Variants in COX10 observed in about 807,000 individuals in gnomAD.
COX10 encodes cytochrome c oxidase assembly factor heme A:farnesyltransferase COX10, also known as protoheme IX farnesyltransferase, mitochondrial.
A neutral mutation model predicts 37.3 loss-of-function variants in COX10; 27 were observed. That is an observed-to-expected ratio of 0.72 (90% CI 0.53 to 1.00). COX10 has a LOEUF of 1.00. Ranked by LOEUF, COX10 falls within the 50% of genes least tolerant of loss-of-function variation. COX10 has a pLI of 0.00. For synonymous variants in COX10, 222 were observed against 229.1 expected (o/e 0.97, Z 0.28); for missense variants, 475 against 563.2 (o/e 0.84, Z 1.59).
intron 5 of COX10, among the ~76,000 whole-genome samples, chr17:14,179,785 T>G (rs1905800422): frequency 6.6e-6 from 1 of 151,430 alleles, no homozygotes; most frequent in Admixed American, 6.6e-5. Context: ...TTTTCCAACT[T>G]AATGGATCAG....
intron 6 of COX10, among the ~76,000 whole-genome samples, chr17:14,198,691 A>C (rs1906440558): frequency 6.6e-6 from 1 of 152,204 alleles, no homozygotes; most frequent in Non-Finnish European, 1.5e-5. Context: ...CAAAATGTTC[A>C]GTTCTGTTTC....
chr17:14,162,577 A>G (rs1597529413), intron 5 of COX10, among the ~76,000 whole-genome samples: 1 of 151,322 alleles, frequency 6.6e-6, no homozygotes, highest in African/African-American at 2.4e-5. Flanking sequence ...AAATCAGCAC[A>G]TGTTTTACGT....
At chr17:14,093,158 C>T (rs111294697) in intron 3 of COX10, among the ~76,000 whole-genome samples, 167 of 152,236 alleles carry the variant, frequency 1.1e-3, no homozygotes, top group Middle Eastern at 6.8e-3. Flanking sequence ...CTTAGAGTTT[C>T]ATTTAGCCAG....
At chr17:14,155,443 C>T (rs952856504) in intron 4 of COX10, among the ~76,000 whole-genome samples, 12 of 151,724 alleles carry the variant, frequency 7.9e-5, no homozygotes, top group Non-Finnish European at 1.6e-4. Flanking sequence ...AGGCCGGGCA[C>T]GGTGGCTCAC....
chr17:14,148,119 C>A lies in COX10; in HGVS notation c.625-11758C>A, dbSNP rs73979169. 6.0e-3 allele frequency among the ~76,000 whole-genome samples: 898 copies of A among 148,814 alleles called. 51 individuals carry two copies. The highest frequency in any genetic ancestry group is 0.022 in the African/African-American group (842 of 38,266). ...TTTATTTTCTCCTTTAAGGATGAAG[C>A]CTTAAAATCCAGCCTAGTGAGAGAG... On this transcript the variant is annotated intron_variant, in intron 4 of 6. Coordinates refer to ENST00000261643, the MANE Select transcript of COX10 (RefSeq NM_001303.4).
intron 4 of COX10, among the ~76,000 whole-genome samples, chr17:14,116,906 C>A (rs1279564251): frequency 6.6e-6 from 1 of 152,206 alleles, no homozygotes; most frequent in East Asian, 1.9e-4. Context: ...CAAAACCTTG[C>A]AGGGACTTCC....
At chr17:14,187,075 G>A (rs975269199) in intron 5 of COX10, among the ~76,000 whole-genome samples, 1 of 151,686 alleles carries the variant, frequency 6.6e-6, no homozygotes, top group Non-Finnish European at 1.5e-5. Flanking sequence ...TAATGTCACA[G>A]CCAGTGTTGA....
chr17:14,169,756 A>T (rs1418210432), intron 5 of COX10, among the ~76,000 whole-genome samples: 1 of 152,200 alleles, frequency 6.6e-6, no homozygotes, highest in Non-Finnish European at 1.5e-5. Context: ...AGGGACTTAC[A>T]TTGAAGGGTG....
At chr17:14,191,934 G>A (rs1450969095) in intron 5 of COX10, 55 bp from the exon 6 acceptor site, 14 of 1,584,694 alleles carry the variant, frequency 8.8e-6, no homozygotes, top group Non-Finnish European at 1.0e-5. Flanking sequence ...ATTTTAGGTA[G>A]TGTGATTGAG....
chr17:14,091,588 A>G (rs1197864763), intron 3 of COX10, among the ~76,000 whole-genome samples: 1 of 152,208 alleles, frequency 6.6e-6, no homozygotes, highest in Non-Finnish European at 1.5e-5. Context: ...CCAGATGTAA[A>G]TCATGAGTGA....
At chr17:14,176,069 C>T (rs1485527672) in intron 5 of COX10, among the ~76,000 whole-genome samples, 1 of 152,078 alleles carries the variant, frequency 6.6e-6, no homozygotes, top group East Asian at 1.9e-4. Flanking sequence ...ACCGTAGAAT[C>T]CCAGGAGAGA....
intron 4 of COX10, among the ~76,000 whole-genome samples, chr17:14,123,875 G>A (rs956977291): frequency 5.9e-5 from 9 of 152,110 alleles, no homozygotes; most frequent in East Asian, 3.9e-4. Context: ...TAATCAGTCC[G>A]TTTTAAGTCA....
intron 4 of COX10, among the ~76,000 whole-genome samples, chr17:14,140,902 T>C (rs1904521021): frequency 6.6e-6 from 1 of 152,154 alleles, no homozygotes; most frequent in Non-Finnish European, 1.5e-5. Context: ...GTCATCACGT[T>C]ATGATAAATG....
chr17:14,100,283 T>G (rs918283286), intron 3 of COX10, among the ~76,000 whole-genome samples: 1 of 152,188 alleles, frequency 6.6e-6, no homozygotes, highest in African/African-American at 2.4e-5. Flanking sequence ...CTCCTGTTTT[T>G]CCAGTAAATA....
At chr17:14,118,338 G>A (rs549585700) in intron 4 of COX10, among the ~76,000 whole-genome samples, 1 of 151,970 alleles carries the variant, frequency 6.6e-6, no homozygotes, top group Non-Finnish European at 1.5e-5. Context: ...TTACTTTAAT[G>A]TCTGAGAGGG....
chr17:14,193,838 T>C (rs948999030), intron 6 of COX10, among the ~76,000 whole-genome samples: 5 of 149,830 alleles, frequency 3.3e-5, no homozygotes, highest in East Asian at 3.9e-4. Flanking sequence ...CTCAAACCTT[T>C]ATAGTGATTG....
chr17:14,194,889 C>T lies in COX10; in HGVS notation c.928+2668C>T, dbSNP rs77210059. On this transcript the variant is annotated intron_variant, in intron 6 of 6. Transcript: ENST00000261643. ...GGAAAATGAGACCCCTTTTCTACCCCAACAGAACCTGGTATAAAACAGAGC... is the reference window on the plus strand; with the variant it reads ...GGAAAATGAGACCCCTTTTCTACCCTAACAGAACCTGGTATAAAACAGAGC... 1.3e-3 allele frequency among the ~76,000 whole-genome samples: 194 copies of T among 152,254 alleles called. 2 individuals carry two copies. Among genetic ancestry groups the T allele is most frequent in the African/African-American group, 4.6e-3 (190 of 41,530 alleles).
At chr17:14,155,402 C>T (rs1399353217) in intron 4 of COX10, among the ~76,000 whole-genome samples, 2 of 150,764 alleles carry the variant, frequency 1.3e-5, no homozygotes, top group South Asian at 2.1e-4. Flanking sequence ...GGGCTGCACA[C>T]GTAGTGGTTT....
intron 5 of COX10, among the ~76,000 whole-genome samples, chr17:14,166,855 C>G (rs180897773): frequency 1.1e-3 from 154 of 139,802 alleles, no homozygotes; most frequent in African/African-American, 3.9e-3. Flanking sequence ...AGGCTGGTCT[C>G]GAACTCCTGA....
Sources: allele counts gnomAD v4.1 joint callset (sites outside exome capture counted in the v4.1 genomes callset), GRCh38; gene constraint gnomAD v4.1.1; transcripts MANE v1.5; gene names NCBI Gene and HGNC (gene_info 2026-07-23, HGNC 2026-07-21).